The following RAB38 variants were observed in gnomAD, a reference collection of about 807,000 sequenced individuals.
The protein encoded by RAB38 is RAB38, member RAS oncogene family.
A neutral mutation model predicts 18.4 loss-of-function variants in RAB38; 15 were observed. The observed-to-expected ratio is 0.82, with a 90% CI of 0.55 to 1.26. The LOEUF (loss-of-function observed/expected upper bound fraction) is 1.26, where lower values mean the gene tolerates loss of function less well. Among genes scored for constraint, RAB38 ranks in the 50% most tolerant of loss-of-function variants. The probability of loss-of-function intolerance (pLI) is 0.00; values close to 1 mark genes in which losing one functional copy is unlikely to be tolerated. For missense variants in RAB38, 294 were observed against 267.4 expected (o/e 1.10, Z -0.69); for synonymous variants, 101 against 104.4 (o/e 0.97, Z 0.20).
At chr11:87,890,798 A>G in the RAB38 span, among the ~76,000 whole-genome samples, 2 of 151,892 alleles carry the variant, frequency 1.3e-5, no homozygotes, top group Admixed American at 1.3e-4. Context: ...AATTTGATTC[A>G]TTTATGAATT....
chr11:88,172,728 A>G (rs1319034904), intron 1 of RAB38, among the ~76,000 whole-genome samples: 1 of 152,216 alleles, frequency 6.6e-6, no homozygotes, highest in Non-Finnish European at 1.5e-5. Context: ...TGTATTTCAC[A>G]TGAACTCATA....
At chr11:87,965,397 C>G in the RAB38 span, among the ~76,000 whole-genome samples, 1 of 152,112 alleles carries the variant, frequency 6.6e-6, no homozygotes, top group Non-Finnish European at 1.5e-5. Context: ...AGGGAACACT[C>G]CTGAAACCCT....
chr11:87,937,976 C>T, the RAB38 span, among the ~76,000 whole-genome samples: 3 of 142,914 alleles, frequency 2.1e-5, no homozygotes, highest in Admixed American at 2.1e-4. Context: ...CTTTTTTATT[C>T]ACTTTCAGAT....
At chr11:88,044,232 C>G in the RAB38 span, among the ~76,000 whole-genome samples, 1 of 152,334 alleles carries the variant, frequency 6.6e-6, no homozygotes, top group Non-Finnish European at 1.5e-5. Flanking sequence ...CGTGGAGACA[C>G]CTGCCTTGGT....
the RAB38 span, among the ~76,000 whole-genome samples, chr11:87,946,805 G>A: frequency 1.3e-5 from 2 of 152,174 alleles, no homozygotes; most frequent in Non-Finnish European, 2.9e-5. Context: ...GGACATTTAG[G>A]TTGGTTCCAA....
At chr11:88,072,987 G>T in the RAB38 span, among the ~76,000 whole-genome samples, 1 of 152,094 alleles carries the variant, frequency 6.6e-6, no homozygotes, top group Admixed American at 6.5e-5. Context: ...AACAATAAGA[G>T]AATTGGGCTT....
the RAB38 span, among the ~76,000 whole-genome samples, chr11:88,017,108 G>A: frequency 6.6e-6 from 1 of 151,974 alleles, no homozygotes; most frequent in Non-Finnish European, 1.5e-5. Flanking sequence ...CAGCTTGGTA[G>A]GTGAGAAAAT....
chr11:87,905,097 G>C, the RAB38 span, among the ~76,000 whole-genome samples: 1 of 151,496 alleles, frequency 6.6e-6, no homozygotes, highest in Admixed American at 6.6e-5. Context: ...AGTTTGAGTA[G>C]CTTCTATTTC....
chr11:87,870,342 T>TGGCTC, the RAB38 span, among the ~76,000 whole-genome samples: 1 of 151,614 alleles, frequency 6.6e-6, no homozygotes, highest in Non-Finnish European at 1.5e-5. Flanking sequence ...ATCGTGAAAA[T>TGGCTC]GGCTCAGAAT....
At chr11:88,094,801 T>C in the RAB38 span, among the ~76,000 whole-genome samples, 1 of 151,976 alleles carries the variant, frequency 6.6e-6, no homozygotes, top group Non-Finnish European at 1.5e-5. Flanking sequence ...TTCTTTGTGC[T>C]GGCAGGCAAT....
chr11:88,072,129 A>G, the RAB38 span, among the ~76,000 whole-genome samples: 1 of 152,362 alleles, frequency 6.6e-6, no homozygotes, highest in South Asian at 2.1e-4. Flanking sequence ...GCAATGATTC[A>G]TATGCTGGAA....
chr11:88,127,600 C>T (rs1000410108), intron 2 of RAB38, among the ~76,000 whole-genome samples: 3 of 152,180 alleles, frequency 2.0e-5, no homozygotes, highest in East Asian at 3.9e-4. Flanking sequence ...AGTAGTGCTA[C>T]CCCCATTTTT....
the RAB38 span, among the ~76,000 whole-genome samples, chr11:87,854,642 T>C: frequency 6.6e-6 from 1 of 152,312 alleles, no homozygotes; most frequent in Non-Finnish European, 1.5e-5. Context: ...AAATACATTT[T>C]TCTACCATGA....
At chr11:87,850,232 T>G in the RAB38 span, among the ~76,000 whole-genome samples, 4 of 152,136 alleles carry the variant, frequency 2.6e-5, no homozygotes, top group Non-Finnish European at 5.9e-5. Flanking sequence ...ATAATATCAG[T>G]TCTTCTGCAG....
At chr11:88,104,209 T>C in the RAB38 span, among the ~76,000 whole-genome samples, 1 of 152,150 alleles carries the variant, frequency 6.6e-6, no homozygotes, top group African/African-American at 2.4e-5. Flanking sequence ...TTTCCCGGCA[T>C]TTGCTATTCC....
intron 1 of RAB38, among the ~76,000 whole-genome samples, chr11:88,160,159 G>T (rs1217998174): frequency 1.3e-5 from 2 of 151,798 alleles, no homozygotes; most frequent in Non-Finnish European, 2.9e-5. Context: ...TAAAAAAATG[G>T]GCAAAAACAT....
downstream of RAB38, among the ~76,000 whole-genome samples, chr11:88,110,163 A>T (rs1480507418): frequency 6.6e-6 from 1 of 152,222 alleles, no homozygotes; most frequent in Non-Finnish European, 1.5e-5. Context: ...TGTGGCACAT[A>T]TATACCACGG....
chr11:87,919,372 TTTTTA>T, the RAB38 span, among the ~76,000 whole-genome samples: 1 of 151,124 alleles, frequency 6.6e-6, no homozygotes. Context: ...TCATAGTTTT[TTTTTA>T]TTTTATTAAT....
the RAB38 span, among the ~76,000 whole-genome samples, chr11:87,851,182 A>G: frequency 6.6e-6 from 1 of 152,166 alleles, no homozygotes; most frequent in Admixed American, 6.6e-5. Flanking sequence ...ACTGAGCCTG[A>G]CTTTAGCATT....
Sources: allele counts gnomAD v4.1 joint callset (sites outside exome capture counted in the v4.1 genomes callset), GRCh38; gene constraint gnomAD v4.1.1; transcripts MANE v1.5; gene names NCBI Gene and HGNC (gene_info 2026-07-23, HGNC 2026-07-21).